Variants in SCN7A observed in about 807,000 individuals in gnomAD.
SCN7A encodes sodium voltage-gated channel alpha subunit 7, also known as sodium channel protein type 7 subunit alpha.
Under a neutral mutation model 155.2 loss-of-function variants are expected in SCN7A, and 138 were observed. That is an observed-to-expected ratio of 0.89 (90% CI 0.77 to 1.02). The LOEUF is 1.02. Among genes scored for constraint, SCN7A ranks in the 50% least tolerant of loss-of-function variants. The probability of loss-of-function intolerance (pLI) is 0.00; values close to 1 mark genes in which losing one functional copy is unlikely to be tolerated. For synonymous variants in SCN7A, 693 were observed against 649.0 expected (o/e 1.07, Z -1.03); for missense variants, 2,058 against 1,986.6 (o/e 1.04, Z -0.68).
At chr2:166,472,160 G>T (rs1277742654) in intron 6 of SCN7A, among the ~76,000 whole-genome samples, 157 bp downstream of exon 6, 1 of 151,516 alleles carries the variant, frequency 6.6e-6, no homozygotes, top group Non-Finnish European at 1.5e-5. Flanking sequence ...GACTAGGTCA[G>T]AGGCAGCTGA....
chr2:166,455,482 G>A (rs1344492755), intron 11 of SCN7A, among the ~76,000 whole-genome samples: 1 of 152,048 alleles, frequency 6.6e-6, no homozygotes, highest in Non-Finnish European at 1.5e-5. Flanking sequence ...TTACTAAGTG[G>A]GGGCTCAGCA....
Position 166,416,996 on chromosome 2 carries a change from T to C in SCN7A, c.3136-11A>G. On this transcript the variant is annotated splice_polypyrimidine_tract_variant and intron_variant, in intron 20 of 25. Coordinates refer to ENST00000643258, the MANE Select transcript of SCN7A (RefSeq NM_002976.4). ...AGCTCTCACAACCACCTGGTATATA[T>C]AAAAAATGTAAACTTTAGATAGGAA... 1.3e-6 allele frequency: 2 copies of C among 1,539,624 alleles called. No homozygotes were observed. The highest frequency in any genetic ancestry group is 2.5e-5 in the South Asian group (2 of 80,532).
chr2:166,423,013 C>T (rs532460182), intron 19 of SCN7A, among the ~76,000 whole-genome samples: 93 of 152,192 alleles, frequency 6.1e-4, no homozygotes, highest in African/African-American at 2.0e-3. Context: ...AACAAACTTA[C>T]ATGGTTAACA....
At position 166,444,861 on chromosome 2, in the gene SCN7A, A is replaced by G. The variant is rs1001096023; in HGVS notation, c.1527T>C (p.Leu509=). 5.6e-6 allele frequency: 9 copies of G among 1,612,568 alleles called. No homozygotes were observed. The African/African-American group carries it at 9.3e-5, about 17-fold the overall frequency. The change falls in exon 13 of 26, where the codon CTT becomes CTC. Residue 509 remains leucine, a synonymous_variant. Transcript: ENST00000643258. ...HRIIMAPFTD[L]FLIICIILNV... is the part of the protein sequence containing the mutation. ...TTAAAATTATGCATATGATAAGGAAAAGATCAGTAAATGGTGCCATTATAA... is the reference window on the plus strand; with the variant it reads ...TTAAAATTATGCATATGATAAGGAAGAGATCAGTAAATGGTGCCATTATAA...
chr2:166,471,045 T>C (rs1376093408), intron 6 of SCN7A, among the ~76,000 whole-genome samples: 2 of 151,904 alleles, frequency 1.3e-5, no homozygotes, highest in Non-Finnish European at 2.9e-5. Context: ...TCTAGTGTTT[T>C]AAGGAATAAG....
rs1021291263 is a variant in SCN7A at position 166,444,848 on chromosome 2, A to G, written c.1540T>C (p.Cys514Arg). 6.2e-7 allele frequency: 1 copy of G among 1,612,150 alleles called. No individual in the cohort carries two copies. Among genetic ancestry groups the G allele is most frequent in the Non-Finnish European group, 8.5e-7 (1 of 1,178,714 alleles). Residue 514 changes from cysteine to arginine, a missense_variant, in exon 13 of 26, where the codon TGC becomes CGC. Coordinates refer to ENST00000643258, the MANE Select transcript of SCN7A (RefSeq NM_002976.4). The part of the protein sequence containing the change: ...APFTDLFLII[C>R]IILNVCFLTL... ...AGAAAACATACGTTTAAAATTATGC[A>G]TATGATAAGGAAAAGATCAGTAAAT...
chr2:166,462,541 C>A lies in SCN7A; in HGVS notation c.942-11G>T, dbSNP rs1245667593. On this transcript the variant is annotated splice_polypyrimidine_tract_variant and intron_variant, in intron 9 of 25. Coordinates refer to ENST00000643258, the MANE Select transcript of SCN7A (RefSeq NM_002976.4). Reference sequence around the variant, plus strand: ...CCTTCAGGACACTGACTAAAGAAGACAAAGAAAAAAACCTGCTTACTATTA... The same window carrying A: ...CCTTCAGGACACTGACTAAAGAAGAAAAAGAAAAAAACCTGCTTACTATTA... 5.0e-6 allele frequency: 8 copies of A among 1,608,018 alleles called. No homozygotes were observed. The highest frequency in any genetic ancestry group is 1.7e-4 in the Middle Eastern group (1 of 6,022).
At chr2:166,412,094 ACT>A (rs1701214988) in intron 23 of SCN7A, among the ~76,000 whole-genome samples, 1 of 151,852 alleles carries the variant, frequency 6.6e-6, no homozygotes, top group Non-Finnish European at 1.5e-5. Flanking sequence ...AGGATTTATG[ACT>A]CTCTCTACTT....
chr2:166,418,947 T>A (rs1701449368), intron 20 of SCN7A, among the ~76,000 whole-genome samples: 1 of 152,206 alleles, frequency 6.6e-6, no homozygotes, highest in East Asian at 1.9e-4. Flanking sequence ...GGTCTGAACC[T>A]GACTTTGACC....
chr2:166,467,196 T>C (rs887338184), intron 7 of SCN7A, among the ~76,000 whole-genome samples: 3 of 151,916 alleles, frequency 2.0e-5, no homozygotes, highest in African/African-American at 4.8e-5. Flanking sequence ...TGAACCAATG[T>C]ATAAACCAGA....
intron 20 of SCN7A, among the ~76,000 whole-genome samples, chr2:166,417,523 A>G (rs1307402299): frequency 6.6e-6 from 1 of 152,074 alleles, no homozygotes; most frequent in African/African-American, 2.4e-5. Flanking sequence ...AAATGTTTGT[A>G]CTAAAAAATC....
intron 16 of SCN7A, 36 bp from the exon 17 acceptor site, chr2:166,429,310 A>T: frequency 2.2e-6 from 3 of 1,341,240 alleles, no homozygotes. Context: ...AGTTGTGATT[A>T]AAGTTTCATT....
At chr2:166,475,104 G>GTATA (rs370064873) in intron 3 of SCN7A, among the ~76,000 whole-genome samples, 1,309 of 85,978 alleles carry the variant, frequency 0.015, 42 homozygotes, top group African/African-American at 0.047. Context: ...ACATATATAT[G>GTATA]TATATATATA....
chr2:166,472,712 A>C (rs1034066732), intron 5 of SCN7A, among the ~76,000 whole-genome samples: 1 of 151,900 alleles, frequency 6.6e-6, no homozygotes, highest in Non-Finnish European at 1.5e-5. Flanking sequence ...TGTGTCTTAT[A>C]GCATTTGTCA....
intron 15 of SCN7A, among the ~76,000 whole-genome samples, chr2:166,438,378 A>G (rs1575026262): frequency 6.6e-6 from 1 of 152,064 alleles, no homozygotes; most frequent in South Asian, 2.1e-4. Flanking sequence ...AAACCTCTTT[A>G]CTTTATAAAT....
At chr2:166,433,393 A>G (rs1701774480) in intron 15 of SCN7A, among the ~76,000 whole-genome samples, 1 of 152,170 alleles carries the variant, frequency 6.6e-6, no homozygotes, top group Non-Finnish European at 1.5e-5. Context: ...CATATGAACT[A>G]CAATACTATT....
At chr2:166,429,478 ATACT>A (rs1701689298) in intron 16 of SCN7A, among the ~76,000 whole-genome samples, 3 of 152,078 alleles carry the variant, frequency 2.0e-5, no homozygotes, top group South Asian at 2.1e-4. Context: ...ATATTGTATG[ATACT>A]TACTTTAAGC....
chr2:166,457,109 A>C, intron 10 of SCN7A, 33 bp from the exon 11 acceptor site: 1 of 1,443,676 alleles, frequency 6.9e-7, no homozygotes, highest in Non-Finnish European at 9.5e-7. Flanking sequence ...GCAAAAGAGT[A>C]AAATGTTATT....
intron 2 of SCN7A, among the ~76,000 whole-genome samples, chr2:166,484,145 T>C (rs1435011290): frequency 6.6e-6 from 1 of 151,964 alleles, no homozygotes; most frequent in Non-Finnish European, 1.5e-5. Context: ...GTTCTCACAG[T>C]GAAGGCTATA....
Sources: allele counts gnomAD v4.1 joint callset (sites outside exome capture counted in the v4.1 genomes callset), GRCh38; gene constraint gnomAD v4.1.1; transcripts MANE v1.5; gene names NCBI Gene and HGNC (gene_info 2026-07-23, HGNC 2026-07-21).